Variants in TTC21A observed in about 807,000 individuals in gnomAD.
TTC21A encodes the protein tetratricopeptide repeat domain 21A, also known as tetratricopeptide repeat protein 21A.
TTC21A carries 128 observed loss-of-function variants against 156.4 expected under a neutral mutation model. The ratio of observed to expected loss-of-function variants is 0.82; its 90% CI spans 0.71 to 0.95. The LOEUF (loss-of-function observed/expected upper bound fraction) is 0.95. Ranked by LOEUF, TTC21A falls within the 40% of genes least tolerant of loss-of-function variation. The pLI, the probability that TTC21A is intolerant of heterozygous loss-of-function variation, is 0.00. For missense variants in TTC21A, 1,435 were observed against 1,602.3 expected (o/e 0.90, Z 1.78); for synonymous variants, 587 against 617.1 (o/e 0.95, Z 0.72).
In TTC21A at chr3:39,134,366, C is replaced by T. The variant is rs566411951; in HGVS notation, c.2862+38C>T. 2 of 1,437,630 alleles carry T rather than the reference C, an allele frequency of 1.4e-6. No homozygotes were observed. Among genetic ancestry groups the T allele is most frequent in the East Asian group, 2.3e-5 (1 of 44,004 alleles). The allele number at this position is 1,437,630 out of a possible 1,614,324, so 89.1% of individuals were successfully genotyped here. ...CAGCACCCACTCCCTCCCCTCCCTTCCTCCCTTCCCAGGGTCCCTGTGACC... is the reference window on the plus strand; with the variant it reads ...CAGCACCCACTCCCTCCCCTCCCTTTCTCCCTTCCCAGGGTCCCTGTGACC... On this transcript the variant is annotated intron_variant, in intron 21 of 28. Transcript: ENST00000683103. The surrounding 1 kb of genome is among the most constrained non-coding windows in gnomAD (Gnocchi z 4.6).
intron 2 of TTC21A, 147 bp downstream of exon 2, chr3:39,109,361 C>T: frequency 1.2e-6 from 1 of 847,018 alleles, no homozygotes; most frequent in Non-Finnish European, 1.8e-6. Flanking sequence ...CGGGAATCCA[C>T]AGAGGCCTAC....
chr3:39,118,630 G>A lies in TTC21A; in HGVS notation c.801+477G>A, dbSNP rs746958747. 7.9e-4 allele frequency: 127 copies of A among 160,702 alleles called. 3 individuals carry two copies. The highest frequency in any genetic ancestry group is 2.2e-4 in the Non-Finnish European group (16 of 72,862). 10.0% of individuals were successfully genotyped at this position (160,702 alleles called of 1,614,324 possible). ...GATAGTTGGAACTGCTCAGGCATTGGCCAGGTAATACTGGGCCCCAAACAT... is the reference window on the plus strand; with the variant it reads ...GATAGTTGGAACTGCTCAGGCATTGACCAGGTAATACTGGGCCCCAAACAT... On this transcript the variant is annotated intron_variant, in intron 7 of 28. Transcript: ENST00000683103.
intron 5 of TTC21A, among the ~76,000 whole-genome samples, chr3:39,113,388 C>A (rs920241989): frequency 8.5e-5 from 13 of 152,198 alleles, no homozygotes; most frequent in Admixed American, 3.3e-4. Context: ...TGTGAATAGT[C>A]ACAGCAAAGG....
At chr3:39,135,233 C>G in intron 22 of TTC21A, 59 bp downstream of exon 22, 6 of 1,453,608 alleles carry the variant, frequency 4.1e-6, no homozygotes, top group Non-Finnish European at 5.8e-6. Flanking sequence ...GCCGCTCTCC[C>G]AGAGAAGGGT....
At position 39,131,079 on chromosome 3, in the gene TTC21A, T is replaced by A; in HGVS notation, c.2546T>A (p.Ile849Lys). 6.2e-7 allele frequency: 1 copy of A among 1,609,836 alleles called. No homozygotes were observed. The change falls in exon 19 of 29, where the codon ATA becomes AAA. Residue 849 changes from isoleucine to lysine, a missense_variant. Physicochemically the swap from Ile to Lys is moderately radical, Grantham distance 102 (BLOSUM62 -3). Transcript: ENST00000683103. ...AAGAGCCATAAAAAAGAAGCTGTGATAGAAACTTTGAACAAGGTAATTGAC... is the reference window on the plus strand; with the variant it reads ...AAGAGCCATAAAAAAGAAGCTGTGAAAGAAACTTTGAACAAGGTAATTGAC... ...VYKSHKKEAV[I>K]ETLNKALDLQ...
At chr3:39,107,915 G>C in intron 1 of TTC21A, 51 bp downstream of exon 1, 2 of 1,580,686 alleles carry the variant, frequency 1.3e-6, no homozygotes, top group Non-Finnish European at 1.7e-6. Context: ...CCCCGCCCCT[G>C]ACCCAGAGAC....
At chr3:39,131,146 C>A in intron 19 of TTC21A, 51 bp downstream of exon 19, 1 of 1,485,572 alleles carries the variant, frequency 6.7e-7, no homozygotes. Context: ...CTGATGGGGG[C>A]TGAAGGAGGA....
chr3:39,120,920 C>A, intron 8 of TTC21A, 77 bp from the exon 9 acceptor site: 3 of 1,326,906 alleles, frequency 2.3e-6, no homozygotes, highest in Admixed American at 4.4e-5. Flanking sequence ...CCAAAGTGTC[C>A]CCCGTTTCTG....
At chr3:39,119,880 C>T in intron 7 of TTC21A, 42 bp from the exon 8 acceptor site, 1 of 1,415,508 alleles carries the variant, frequency 7.1e-7, no homozygotes, top group Non-Finnish European at 9.9e-7. Context: ...CAACTCTGAC[C>T]TTGCACCTTG....
rs1185954021 is a variant in TTC21A, at chr3:39,134,235, G to A, written c.2769G>A (p.Ala923=). ...TGTCCCAGGTGATGCTGGAGCTGGCGCAGCTCTACCTGCTCCAGGGGCACC... is the reference window on the plus strand; with the variant it reads ...TGTCCCAGGTGATGCTGGAGCTGGCACAGCTCTACCTGCTCCAGGGGCACC... ...PTDNKVMLEL[A]QLYLLQGHLD... The change falls in exon 21 of 29, where the codon GCG becomes GCA. Residue 923 remains alanine (A), a synonymous_variant. Coordinates refer to ENST00000683103, the MANE Select transcript of TTC21A (RefSeq NM_001366900.1). The surrounding 1 kb of genome is among the most constrained non-coding windows in gnomAD (Gnocchi z 4.6). 23 of 1,613,194 alleles carry A rather than the reference G, an allele frequency of 1.4e-5. No homozygotes were observed. The highest frequency in any genetic ancestry group is 8.3e-5 in the Admixed American group (5 of 60,000).
chr3:39,133,450 G>A lies in TTC21A; in HGVS notation c.2751+210G>A, dbSNP rs1028813580. Among the ~76,000 whole-genome samples, 3 of 152,234 alleles carry A rather than the reference G, an allele frequency of 2.0e-5. 1 individual carries two copies. Among genetic ancestry groups the A allele is most frequent in the African/African-American group, 7.2e-5 (3 of 41,468 alleles). On this transcript the variant is annotated intron_variant, in intron 20 of 28. Transcript: ENST00000683103. The stretch of plus-strand genomic sequence containing the variant: ...GGCCTCACCTGCTGCAGCCCTTGGA[G>A]CAAGGCTCACCATGGATAGCCAAAT...
intron 1 of TTC21A, 68 bp from the exon 2 acceptor site, chr3:39,109,017 T>A: frequency 4.5e-6 from 7 of 1,562,116 alleles, no homozygotes; most frequent in Non-Finnish European, 6.1e-6. Context: ...GCAGGTCTCA[T>A]CCCATCTGGG....
chr3:39,126,125 C>G (rs2038214514), intron 11 of TTC21A, 136 bp from the exon 12 acceptor site: 1 of 1,098,428 alleles, frequency 9.1e-7, no homozygotes, highest in Non-Finnish European at 1.3e-6. Flanking sequence ...GCTCTAAGCA[C>G]TAGGTGATAC....
chr3:39,112,590 G>A lies in TTC21A; in HGVS notation c.558+10G>A. The A allele has an allele frequency of 3.1e-6, 5 of 1,613,638 alleles. No individual in the cohort carries two copies. The highest frequency in any genetic ancestry group is 4.2e-6 in the Non-Finnish European group (5 of 1,179,880). ...GGGGCTGATGGGAAAGGTGGGCAGT[G>A]GAAAAGGGAGAGGTGGAAGTATTCC... On this transcript the variant is annotated intron_variant, in intron 5 of 28. Transcript: ENST00000683103.
rs1031215777 is a variant in TTC21A, at chr3:39,128,398, C to T, written c.1590C>T (p.Ala530=). The part of the protein sequence containing the change: ...CLELDPASVD[A]HLLMCQIYLA... ...AGCTGGACCCCGCCTCCGTGGATGC[C>T]CATCTCCTCATGTGTCAGATCTACT... Residue 530 remains alanine (A), a synonymous_variant, in exon 13 of 29, where the codon GCC becomes GCT. Coordinates refer to ENST00000683103, the MANE Select transcript of TTC21A (RefSeq NM_001366900.1). 2 of 1,614,028 alleles carry T rather than the reference C, an allele frequency of 1.2e-6. No individual in the cohort carries two copies. The highest frequency in any genetic ancestry group is 2.7e-5 in the African/African-American group (2 of 74,904).
At chr3:39,127,639 AAG>A (rs1300632121) in intron 12 of TTC21A, among the ~76,000 whole-genome samples, 5 of 152,174 alleles carry the variant, frequency 3.3e-5, no homozygotes, top group Admixed American at 2.6e-4. Flanking sequence ...ACTGCGAGGG[AAG>A]AGAGTGCCCC....
chr3:39,110,553 G>C (rs948873995), intron 3 of TTC21A, among the ~76,000 whole-genome samples: 3 of 152,132 alleles, frequency 2.0e-5, no homozygotes, highest in Non-Finnish European at 4.4e-5. Flanking sequence ...TTGTGGGCCT[G>C]AGGCTAAGGA....
At chr3:39,121,949 C>G (rs1023189947) in intron 9 of TTC21A, among the ~76,000 whole-genome samples, 1 of 152,214 alleles carries the variant, frequency 6.6e-6, no homozygotes, top group East Asian at 1.9e-4. Context: ...ACATGTCAGG[C>G]TGACCCCCTC....
rs1156437757 is a variant in TTC21A at position 39,136,456 on chromosome 3, G to A, written c.3044G>A (p.Ser1015Asn). Residue 1015 changes from serine to asparagine, a missense_variant, in exon 23 of 29, where the codon AGC becomes AAC. Physicochemically the swap from Ser to Asn is conservative, Grantham distance 46. Transcript: ENST00000683103. ...AFFELAKKVS[S>N]RVPLEPGFNY... ...TTTGAATTGGCCAAGAAGGTGTCTAGCCGGGTGCCTTTGGAACCAGGGTTC... is the reference window on the plus strand; with the variant it reads ...TTTGAATTGGCCAAGAAGGTGTCTAACCGGGTGCCTTTGGAACCAGGGTTC... 1 of 1,614,246 alleles carries A rather than the reference G, an allele frequency of 6.2e-7. No homozygotes were observed. The highest frequency in any genetic ancestry group is 2.2e-5 in the East Asian group (1 of 44,888).
Sources: gnomAD v4.1 joint callset for allele counts (sites outside exome capture counted in the v4.1 genomes callset) on GRCh38, gnomAD v4.1.1 for gene constraint, Gnocchi (gnomAD v3.1) non-coding constraint, MANE v1.5 for transcripts, NCBI Gene and HGNC (gene_info 2026-07-23, HGNC 2026-07-21) for gene names.